The following PRKCH variants were observed in gnomAD, a reference collection of about 807,000 sequenced individuals.
The protein encoded by PRKCH is protein kinase C eta type.
PRKCH carries 28 observed loss-of-function variants against 82.5 expected under a neutral mutation model. The observed-to-expected ratio is 0.34, with a 90% CI of 0.25 to 0.47. PRKCH has a LOEUF of 0.47. PRKCH is among the 20% of genes least tolerant of loss of function. The pLI is 1.00. For missense variants in PRKCH, 705 were observed against 881.8 expected (o/e 0.80, Z 2.54); for synonymous variants, 322 against 327.4 (o/e 0.98, Z 0.18).
At chr14:61,494,965 G>A (rs1421681963) in intron 10 of PRKCH, among the ~76,000 whole-genome samples, 7 of 152,182 alleles carry the variant, frequency 4.6e-5, no homozygotes, top group African/African-American at 1.4e-4. Flanking sequence ...AAGTCCTAGG[G>A]CATATGTGAC....
At position 61,493,719 on chromosome 14, in the gene PRKCH, G is replaced by T. The variant is rs377111810; in HGVS notation, c.1433+8063G>T. On this transcript the variant is annotated intron_variant, in intron 10 of 13. Coordinates refer to ENST00000332981, the MANE Select transcript of PRKCH (RefSeq NM_006255.5). ...GATTTATATTTTACTTTTACGTGCG[G>T]GTGGGGGGCATGGCATGTGTGGACA... 1.1e-4 allele frequency among the ~76,000 whole-genome samples: 17 copies of T among 152,076 alleles called. 1 individual carries two copies. The highest frequency in any genetic ancestry group is 7.9e-4 in the Admixed American group (12 of 15,286).
intron 1 of PRKCH, among the ~76,000 whole-genome samples, chr14:61,190,650 C>G (rs952571959): frequency 1.5e-4 from 23 of 152,308 alleles, no homozygotes; most frequent in Admixed American, 1.1e-3. Flanking sequence ...TGTCTCCCAC[C>G]ACCCTGCCTC....
chr14:61,202,560 G>A (rs766139705), intron 1 of PRKCH, among the ~76,000 whole-genome samples: 4 of 152,170 alleles, frequency 2.6e-5, no homozygotes, highest in Non-Finnish European at 5.9e-5. Context: ...CAGTGGGGGA[G>A]GGGAGGATGC....
At chr14:61,464,927 TG>T (rs1160201325) in intron 9 of PRKCH, among the ~76,000 whole-genome samples, 2 of 152,236 alleles carry the variant, frequency 1.3e-5, no homozygotes, top group Admixed American at 6.5e-5. Context: ...CTGGGTCAAA[TG>T]GTATTTCTGG....
At chr14:61,365,679 A>T (rs1429711877) in intron 1 of PRKCH, among the ~76,000 whole-genome samples, 1 of 152,078 alleles carries the variant, frequency 6.6e-6, no homozygotes, top group Non-Finnish European at 1.5e-5. Context: ...AAAAACGTTA[A>T]AACATATCAT....
Position 61,280,608 on chromosome 14 carries a change from G to A in PRKCH, c.-19+92940G>A, listed in dbSNP as rs1285042723. 6 of 1,585,660 alleles carry A rather than the reference G, an allele frequency of 3.8e-6. No individual in the cohort carries two copies. The highest frequency in any genetic ancestry group is 2.3e-5 in the East Asian group (1 of 43,256). ...CCTCGACGTAGGGCCCGCCGGGCTG[G>A]CGCTGGTGCCAAAGCGAGAAGGAGT... On this transcript the variant is annotated intron_variant, in intron 1 of 3. Transcript: ENST00000555185. This position sits in a 1 kb window ranked among gnomAD's most constrained non-coding sequence, Gnocchi z 5.0.
chr14:61,204,180 T>C (rs561729595), intron 1 of PRKCH, among the ~76,000 whole-genome samples: 1 of 152,274 alleles, frequency 6.6e-6, no homozygotes, highest in Admixed American at 6.5e-5. Context: ...TTTCCATCCC[T>C]CTAAAAACCT....
chr14:61,447,316 T>C (rs1462968912), intron 4 of PRKCH, among the ~76,000 whole-genome samples: 1 of 152,190 alleles, frequency 6.6e-6, no homozygotes, highest in Non-Finnish European at 1.5e-5. Flanking sequence ...ACTGATAGAA[T>C]CACAAGGAAA....
chr14:61,418,115 T>A (rs868081947), intron 2 of PRKCH, among the ~76,000 whole-genome samples: 3 of 152,222 alleles, frequency 2.0e-5, no homozygotes, highest in African/African-American at 7.2e-5. Flanking sequence ...TGGCTGTGTT[T>A]ACTAAAGTGA....
chr14:61,549,603 C>G, intron 13 of PRKCH, 82 bp from the exon 14 acceptor site: 1 of 1,478,552 alleles, frequency 6.8e-7, no homozygotes, highest in Non-Finnish European at 9.2e-7. Context: ...TCTGAACTCA[C>G]TGGAATGGGC....
At chr14:61,277,828 AC>A (rs1321939220) in intron 1 of PRKCH, 1 of 152,262 alleles carries the variant, frequency 6.6e-6, no homozygotes, top group African/African-American at 2.4e-5. Context: ...TAGGAAGTTA[AC>A]AATGAATTGA....
chr14:61,495,513 G>A lies in PRKCH; in HGVS notation c.1433+9857G>A, dbSNP rs546120569. On this transcript the variant is annotated intron_variant, in intron 10 of 13. Coordinates refer to ENST00000332981, the MANE Select transcript of PRKCH (RefSeq NM_006255.5). ...GTCATTTAATCTTTATGTATTAAAT[G>A]AACACAACCATTTGTAAAAAGTAAT... 5.3e-5 allele frequency among the ~76,000 whole-genome samples: 8 copies of A among 152,290 alleles called. No individual in the cohort carries two copies. The East Asian group carries it at 1.5e-3, about 29-fold the overall frequency.
intron 1 of PRKCH, among the ~76,000 whole-genome samples, chr14:61,314,285 G>A (rs2045545785): frequency 6.6e-6 from 1 of 152,070 alleles, no homozygotes; most frequent in Admixed American, 6.6e-5. Flanking sequence ...ATGGCAGCAA[G>A]GTTTTCCAGG....
At chr14:61,489,446 G>A (rs1594757457) in intron 10 of PRKCH, among the ~76,000 whole-genome samples, 2 of 152,358 alleles carry the variant, frequency 1.3e-5, no homozygotes, top group South Asian at 4.1e-4. Flanking sequence ...AAGAGGACAT[G>A]GGCCAGTTAC....
At chr14:61,392,047 A>C (rs982600117) in intron 2 of PRKCH, among the ~76,000 whole-genome samples, 1 of 152,068 alleles carries the variant, frequency 6.6e-6, no homozygotes, top group Non-Finnish European at 1.5e-5. Context: ...TTCACTCAGC[A>C]TAGTTTTTAG....
intron 1 of PRKCH, among the ~76,000 whole-genome samples, chr14:61,285,883 T>C (rs970447101): frequency 6.6e-6 from 1 of 152,204 alleles, no homozygotes; most frequent in Non-Finnish European, 1.5e-5. Context: ...GAACCAGTGT[T>C]TATTGTTGCA....
chr14:61,413,674 A>G (rs1882405239), intron 2 of PRKCH, among the ~76,000 whole-genome samples: 1 of 151,856 alleles, frequency 6.6e-6, no homozygotes, highest in Non-Finnish European at 1.5e-5. Context: ...TGATCTGTAA[A>G]CATGGCCAGG....
intron 2 of PRKCH, 59 bp from the exon 3 acceptor site, chr14:61,443,052 T>A: frequency 1.3e-6 from 2 of 1,504,244 alleles, no homozygotes; most frequent in Non-Finnish European, 1.8e-6. Context: ...CTTTCTCATC[T>A]ATTAGGTGCG....
At chr14:61,309,032 C>G (rs1032784682) in intron 1 of PRKCH, among the ~76,000 whole-genome samples, 1 of 149,796 alleles carries the variant, frequency 6.7e-6, no homozygotes, top group African/African-American at 2.5e-5. Flanking sequence ...GCCTATAATC[C>G]TAGCACTTTG....
Sources: gnomAD v4.1 joint callset for allele counts (sites outside exome capture counted in the v4.1 genomes callset) on GRCh38, gnomAD v4.1.1 for gene constraint, Gnocchi (gnomAD v3.1) non-coding constraint, MANE v1.5 for transcripts, NCBI Gene and HGNC (gene_info 2026-07-23, HGNC 2026-07-21) for gene names.